Variants in KALRN observed in about 807,000 individuals in gnomAD.
KALRN encodes the protein kalirin RhoGEF kinase.
KALRN carries 70 observed loss-of-function variants against 353.7 expected under a neutral mutation model. The ratio of observed to expected loss-of-function variants is 0.20; its 90% CI spans 0.16 to 0.24. The LOEUF (loss-of-function observed/expected upper bound fraction) is 0.24. KALRN is among the 10% of genes least tolerant of loss of function. The pLI is 1.00. For missense variants in KALRN, 2,791 were observed against 3,756.7 expected (o/e 0.74, Z 6.72); for synonymous variants, 1,391 against 1,434.8 (o/e 0.97, Z 0.69).
intron 25 of KALRN, among the ~76,000 whole-genome samples, chr3:124,466,633 T>A (rs1029644643): frequency 3.3e-5 from 5 of 152,162 alleles, no homozygotes; most frequent in Non-Finnish European, 7.3e-5. Context: ...TTTCATAAAA[T>A]CTCTACTCCC....
At chr3:124,083,978 C>T (rs1011022410) in intron 1 of KALRN, among the ~76,000 whole-genome samples, 3 of 152,144 alleles carry the variant, frequency 2.0e-5, no homozygotes, top group Non-Finnish European at 2.9e-5. Flanking sequence ...GACCTCCTAG[C>T]GAGAAGGGAC....
At chr3:124,590,702 TC>T (rs2149354757) in intron 34 of KALRN, among the ~76,000 whole-genome samples, 1 of 152,216 alleles carries the variant, frequency 6.6e-6, no homozygotes, top group South Asian at 2.1e-4. Flanking sequence ...GAGTAGCACA[TC>T]CTGCCCCTTC....
intron 37 of KALRN, among the ~76,000 whole-genome samples, chr3:124,642,902 C>T (rs370271347): frequency 2.0e-5 from 3 of 149,044 alleles, no homozygotes; most frequent in East Asian, 2.0e-4. Flanking sequence ...CTGCAACCTC[C>T]GCCTCCCGGG....
chr3:124,342,285 C>T (rs2081829708), intron 9 of KALRN, among the ~76,000 whole-genome samples: 1 of 151,998 alleles, frequency 6.6e-6, no homozygotes, highest in South Asian at 2.1e-4. Context: ...ATATATTGTA[C>T]TCATTAAGTA....
chr3:124,666,163 A>G (rs751026190), intron 45 of KALRN, among the ~76,000 whole-genome samples: 14 of 152,224 alleles, frequency 9.2e-5, no homozygotes, highest in Non-Finnish European at 1.6e-4. Flanking sequence ...CTTTTCTGCT[A>G]ATGATATTAC....
At chr3:124,304,818 C>A (rs2077553699) in intron 6 of KALRN, among the ~76,000 whole-genome samples, 1 of 152,172 alleles carries the variant, frequency 6.6e-6, no homozygotes, top group African/African-American at 2.4e-5. Flanking sequence ...CCCTAGTTCC[C>A]AGTTGAAGGA....
chr3:124,589,630 A>G (rs908666141), intron 34 of KALRN, among the ~76,000 whole-genome samples: 1 of 152,198 alleles, frequency 6.6e-6, no homozygotes, highest in Non-Finnish European at 1.5e-5. Context: ...CATCCAGGGG[A>G]TAAAATCCTT....
chr3:124,494,469 C>T (rs1325496748), intron 32 of KALRN, among the ~76,000 whole-genome samples: 1 of 152,208 alleles, frequency 6.6e-6, no homozygotes, highest in Admixed American at 6.5e-5. Flanking sequence ...TGGTGGGGAG[C>T]GCTGGCCCAG....
intron 1 of KALRN, among the ~76,000 whole-genome samples, chr3:124,081,651 G>A (rs945885364): frequency 1.3e-5 from 2 of 152,118 alleles, no homozygotes; most frequent in African/African-American, 2.4e-5. Flanking sequence ...CACACCTGTA[G>A]TCCAGCTACT....
intron 1 of KALRN, among the ~76,000 whole-genome samples, chr3:124,108,790 T>G (rs904846644): frequency 2.6e-5 from 4 of 152,166 alleles, no homozygotes; most frequent in Non-Finnish European, 5.9e-5. Flanking sequence ...GGGGGTGGTT[T>G]GTATCTGTAG....
At chr3:124,082,330 A>G (rs1242052178) in intron 1 of KALRN, 1 of 470,958 alleles carries the variant, frequency 2.1e-6, no homozygotes. Context: ...ACTTTTTCTT[A>G]CTGTAAGTAG....
At chr3:124,284,308 C>T (rs896262170) in intron 5 of KALRN, among the ~76,000 whole-genome samples, 3 of 152,208 alleles carry the variant, frequency 2.0e-5, no homozygotes, top group African/African-American at 7.2e-5. Flanking sequence ...GATCTGGTAT[C>T]TCCCTATCTC....
At chr3:124,199,659 G>C (rs2075778033) in intron 1 of KALRN, among the ~76,000 whole-genome samples, 1 of 152,198 alleles carries the variant, frequency 6.6e-6, no homozygotes, top group South Asian at 2.1e-4. Context: ...GCAGAAGTCA[G>C]AACAGTGGCC....
chr3:124,498,304 G>T lies in KALRN; in HGVS notation c.4935+1891G>T, dbSNP rs62264240. 7.7e-3 allele frequency among the ~76,000 whole-genome samples: 1,180 copies of T among 152,274 alleles called. 4 individuals carry two copies. Among genetic ancestry groups the T allele is most frequent in the Non-Finnish European group, 0.013 (857 of 68,034 alleles). ...GTGCTGGATGCTGTAGAGAGATGTG[G>T]ACTATTTGTTGAGTGTGAATCTCTA... On this transcript the variant is annotated intron_variant, in intron 33 of 59. Coordinates refer to ENST00000682506, the MANE Select transcript of KALRN (RefSeq NM_001388419.1).
At chr3:124,505,000 G>A (rs569666056) in intron 33 of KALRN, 65 of 480,332 alleles carry the variant, frequency 1.4e-4, no homozygotes, top group African/African-American at 1.2e-3. Context: ...GAAGGGAGAT[G>A]GCATGGTTGG....
chr3:124,095,056 G>A, intron 1 of KALRN: 1 of 753,874 alleles, frequency 1.3e-6, no homozygotes, highest in Non-Finnish European at 2.2e-6. Context: ...CAAACCCATG[G>A]AAAGTAAAGA....
intron 34 of KALRN, among the ~76,000 whole-genome samples, chr3:124,597,014 C>T (rs539083759): frequency 6.6e-6 from 1 of 152,138 alleles, no homozygotes; most frequent in East Asian, 1.9e-4. Flanking sequence ...TGCTATGGCA[C>T]TCCAATCTAG....
At chr3:124,502,131 A>G (rs1371080436) in intron 33 of KALRN, among the ~76,000 whole-genome samples, 3 of 152,236 alleles carry the variant, frequency 2.0e-5, no homozygotes, top group African/African-American at 7.2e-5. Context: ...AAAGCAAAAC[A>G]AAACAAAAAC....
At chr3:124,561,491 A>G (rs1252529048) in intron 33 of KALRN, among the ~76,000 whole-genome samples, 1 of 152,124 alleles carries the variant, frequency 6.6e-6, no homozygotes, top group Non-Finnish European at 1.5e-5. Context: ...TAAATCTCTC[A>G]CAGTCCTGAA....
Sources: allele counts gnomAD v4.1 joint callset (sites outside exome capture counted in the v4.1 genomes callset), GRCh38; gene constraint gnomAD v4.1.1; transcripts MANE v1.5; gene names NCBI Gene and HGNC (gene_info 2026-07-23, HGNC 2026-07-21).